KLHDC2: variants seen among roughly 807,000 people sequenced by gnomAD.
KLHDC2 encodes kelch domain-containing protein 2.
A neutral mutation model predicts 62.3 loss-of-function variants in KLHDC2; 38 were observed. The ratio of observed to expected loss-of-function variants is 0.61; its 90% CI spans 0.47 to 0.80. The LOEUF (loss-of-function observed/expected upper bound fraction) is 0.80. KLHDC2 is among the 30% of genes least tolerant of loss of function. The probability of loss-of-function intolerance (pLI) is 0.00; values close to 1 mark genes in which losing one functional copy is unlikely to be tolerated. For missense variants in KLHDC2, 430 were observed against 495.3 expected, an observed-to-expected ratio of 0.87 and a Z score of 1.25; for synonymous variants, 159 against 161.0, an observed-to-expected ratio of 0.99 and a Z score of 0.09.
In KLHDC2 at chr14:49,783,242, CATT is replaced by C. The variant is rs904397873; in HGVS notation, c.*292_*294del. On this transcript the variant is annotated 3_prime_UTR_variant, in exon 13 of 13. Transcript: ENST00000298307. ...ACTTCAGGATATGTATCTGTAGAAACATTATAGTCTTACCATCATCAAAATGCT... is the reference window on the plus strand; with the variant it reads ...ACTTCAGGATATGTATCTGTAGAAACATAGTCTTACCATCATCAAAATGCT... 23 of 228,742 alleles carry C rather than the reference CATT, an allele frequency of 1.0e-4. No individual in the cohort carries two copies. Among genetic ancestry groups the C allele is most frequent in the Non-Finnish European group, 1.3e-4 (15 of 119,238 alleles). The allele number at this position is 228,742 out of a possible 1,614,324, so 14.2% of individuals were successfully genotyped here. A position where few individuals can be genotyped will look rare whatever the true frequency, so the allele number is the denominator to read the frequency against.
chr14:49,768,799 T>G, intron 1 of KLHDC2, 178 bp downstream of exon 1: 1 of 590,128 alleles, frequency 1.7e-6, no homozygotes, highest in Non-Finnish European at 2.8e-6. Context: ...CTTCCTTCTC[T>G]CGAGTACCCC....
In KLHDC2 at chr14:49,777,622, T is replaced by G. The variant is rs576155511; in HGVS notation, c.352-217T>G. 9.9e-5 allele frequency among the ~76,000 whole-genome samples: 15 copies of G among 151,386 alleles called. No homozygotes were observed. In the East Asian group the frequency reaches 2.7e-3, roughly 27 times the overall value. On this transcript the variant is annotated intron_variant, in intron 3 of 12. Coordinates refer to ENST00000298307, the MANE Select transcript of KLHDC2 (RefSeq NM_014315.3). ...AAAAGTGTGACTATGAAAAAAAAAA[T>G]TAGTTGAGCTAACAGCGTGCTTAGT...
In KLHDC2 at chr14:49,768,581, T is replaced by C; in HGVS notation, c.113T>C (p.Val38Ala). Residue 38 changes from valine to alanine, a missense_variant, in exon 1 of 13, where the codon GTC (valine) becomes GCC (alanine). Coordinates refer to ENST00000298307, the MANE Select transcript of KLHDC2 (RefSeq NM_014315.3). Reference sequence around the variant, plus strand: ...GCTGAGCGCAGCGGCCACGTAGCCGTCAGCGACGGGCGCCACATGTTCGTC... The same window carrying C: ...GCTGAGCGCAGCGGCCACGTAGCCGCCAGCGACGGGCGCCACATGTTCGTC... ...CPAERSGHVAVSDGRHMFVWG... is the reference protein window; with the variant it reads ...CPAERSGHVAASDGRHMFVWG... The C allele has an allele frequency of 1.2e-6, 2 of 1,604,846 alleles. No homozygotes were observed. The highest frequency in any genetic ancestry group is 1.7e-6 in the Non-Finnish European group (2 of 1,176,582).
At chr14:49,772,679 G>C (rs1889688488) in intron 2 of KLHDC2, among the ~76,000 whole-genome samples, 1 of 152,264 alleles carries the variant, frequency 6.6e-6, no homozygotes, top group Non-Finnish European at 1.5e-5. Context: ...CAGTTAGGCT[G>C]GATGCTGTGG....
intron 11 of KLHDC2, 34 bp downstream of exon 11, chr14:49,782,491 T>A (rs1889952155): frequency 6.3e-7 from 1 of 1,597,524 alleles, no homozygotes; most frequent in East Asian, 2.2e-5. Flanking sequence ...TTACTGAAAC[T>A]TACTTGCAAA....
intron 1 of KLHDC2, among the ~76,000 whole-genome samples, chr14:49,771,334 T>G (rs747718031): frequency 2.0e-5 from 3 of 151,178 alleles, no homozygotes; most frequent in Non-Finnish European, 4.4e-5. Context: ...TCCTGAGCAA[T>G]AGAGACTTGG....
intron 3 of KLHDC2, 159 bp from the exon 4 acceptor site, chr14:49,777,680 C>T: frequency 2.1e-6 from 1 of 472,560 alleles, no homozygotes; most frequent in Non-Finnish European, 3.7e-6. Flanking sequence ...TCACAGAATC[C>T]TCATCTGGAC....
In KLHDC2 at chr14:49,784,768, C is replaced by T; in HGVS notation, c.*1815C>T. The T allele has an allele frequency of 6.6e-7, 1 of 1,516,490 alleles. No homozygotes were observed. The highest frequency in any genetic ancestry group is 9.1e-7 in the Non-Finnish European group (1 of 1,102,500). 93.9% of individuals were successfully genotyped at this position (1,516,490 alleles called of 1,614,324 possible). A position where few individuals can be genotyped will look rare whatever the true frequency, so the allele number is the denominator to read the frequency against. On this transcript the variant is annotated 3_prime_UTR_variant, in exon 13 of 13. Coordinates refer to ENST00000298307, the MANE Select transcript of KLHDC2 (RefSeq NM_014315.3). ...ACATCCTGTATGGTCAATCATGTTT[C>T]TTTTATGACAAAAACGAAAAACATT...
chr14:49,778,004 C>T (rs556374343), intron 4 of KLHDC2, 50 bp downstream of exon 4: 1 of 1,153,336 alleles, frequency 8.7e-7, no homozygotes, highest in African/African-American at 1.5e-5. Flanking sequence ...AAGTGGTTTA[C>T]CATTCAGGTA....
chr14:49,770,171 G>A (rs1400611240), intron 1 of KLHDC2, among the ~76,000 whole-genome samples: 1 of 152,124 alleles, frequency 6.6e-6, no homozygotes, highest in African/African-American at 2.4e-5. Context: ...GATTTAAAAG[G>A]GCCTGGATGA....
In KLHDC2 at chr14:49,784,567, C is replaced by T. The variant is rs1890068544; in HGVS notation, c.*1614C>T. On this transcript the variant is annotated 3_prime_UTR_variant, in exon 13 of 13. Transcript: ENST00000298307. ...AATGCGGAAATCCTGATACATGGTG[C>T]TTTCATCTTTGAACTTCCAAAAGGC... 9.6e-7 allele frequency: 1 copy of T among 1,045,340 alleles called. No homozygotes were observed. Among genetic ancestry groups the T allele is most frequent in the African/African-American group, 1.6e-5 (1 of 63,224 alleles). The allele number at this position is 1,045,340 out of a possible 1,614,324, so 64.8% of individuals were successfully genotyped here. A position where few individuals can be genotyped will look rare whatever the true frequency, so the allele number is the denominator to read the frequency against.
intron 3 of KLHDC2, among the ~76,000 whole-genome samples, chr14:49,777,100 A>G (rs1165627425): frequency 2.0e-5 from 3 of 152,178 alleles, no homozygotes; most frequent in African/African-American, 7.2e-5. Context: ...ATTTGCAGCA[A>G]CCTGGATGGA....
At chr14:49,782,121 C>A in intron 10 of KLHDC2, 1 of 447,492 alleles carries the variant, frequency 2.2e-6, no homozygotes, top group East Asian at 3.5e-5. Flanking sequence ...ACCTAGAGAA[C>A]AGATCGTTCA....
At chr14:49,769,088 A>G (rs1889606619) in intron 1 of KLHDC2, 1 of 154,448 alleles carries the variant, frequency 6.5e-6, no homozygotes. Context: ...TGGAATTCCA[A>G]AAGGTTACAG....
Position 49,782,367 on chromosome 14 carries a change from C to A in KLHDC2, c.957-3C>A. On this transcript the variant is annotated splice_polypyrimidine_tract_variant and splice_region_variant and intron_variant, in intron 10 of 12. Transcript: ENST00000298307. The stretch of plus-strand genomic sequence containing the variant: ...TTCAAACTCGTTTTTGTTTTAAATG[C>A]AGGTTATGGCACACAGCTTGTGCCA... The A allele has an allele frequency of 6.3e-7, 1 of 1,594,708 alleles. No individual in the cohort carries two copies. The highest frequency in any genetic ancestry group is 1.1e-5 in the South Asian group (1 of 88,444).
Position 49,777,164 on chromosome 14 carries a change from A to G in KLHDC2, c.352-675A>G, listed in dbSNP as rs370109978. On this transcript the variant is annotated intron_variant, in intron 3 of 12. Transcript: ENST00000298307. ...ACTCAGGAATGGAAAACCAAACACCATATGTTCTCACTCATAAGTGGGAGC... is the reference window on the plus strand; with the variant it reads ...ACTCAGGAATGGAAAACCAAACACCGTATGTTCTCACTCATAAGTGGGAGC... 2.5e-3 allele frequency among the ~76,000 whole-genome samples: 381 copies of G among 152,224 alleles called. 5 individuals are homozygous for G. The South Asian group carries it at 0.03, about 12-fold the overall frequency.
In KLHDC2 at chr14:49,785,639, T is replaced by TG; in HGVS notation, c.*2688dup. The TG allele has an allele frequency of 3.8e-6, 1 of 265,492 alleles. No homozygotes were observed. Among genetic ancestry groups the TG allele is most frequent in the Admixed American group, 4.8e-5 (1 of 20,868 alleles). 16.4% of individuals were successfully genotyped at this position (265,492 alleles called of 1,614,324 possible). A position where few individuals can be genotyped will look rare whatever the true frequency, so the allele number is the denominator to read the frequency against. ...GTTCACGCCTATAATCCTAGGACTC[T>TG]GGAAGGCTCAGGCTGAGGCGGGTGG... On this transcript the variant is annotated 3_prime_UTR_variant, in exon 13 of 13. Transcript: ENST00000298307.
At chr14:49,777,685 C>T in intron 3 of KLHDC2, 154 bp from the exon 4 acceptor site, 3 of 500,784 alleles carry the variant, frequency 6.0e-6, no homozygotes. Context: ...GAATCCTCAT[C>T]TGGACTCTGA....
rs577731981 is a variant in KLHDC2, at chr14:49,772,921, A to C, written c.233+1248A>C. Among the ~76,000 whole-genome samples the C allele has an allele frequency of 3.9e-5, 6 of 152,180 alleles. No individual in the cohort carries two copies. In the South Asian group the frequency reaches 1.2e-3, roughly 32 times the overall value. On this transcript the variant is annotated intron_variant, in intron 2 of 12. Coordinates refer to ENST00000298307, the MANE Select transcript of KLHDC2 (RefSeq NM_014315.3). ...CAGTGAACTGAGATCATGCCATTGC[A>C]CTCCAGCCTGGGTAATACAGTGAGA...
Sources: gnomAD v4.1 joint callset for allele counts (sites outside exome capture counted in the v4.1 genomes callset) on GRCh38, gnomAD v4.1.1 for gene constraint, MANE v1.5 for transcripts, NCBI Gene and HGNC (gene_info 2026-07-23, HGNC 2026-07-21) for gene names.